Variants in PRKN observed in about 807,000 individuals in gnomAD.
The protein encoded by PRKN is E3 ubiquitin-protein ligase parkin.
Under a neutral mutation model 59.5 loss-of-function variants are expected in PRKN, and 56 were observed. The ratio of observed to expected loss-of-function variants is 0.94; its 90% CI spans 0.76 to 1.18. The LOEUF (loss-of-function observed/expected upper bound fraction) is 1.18. Among genes scored for constraint, PRKN ranks in the 50% most tolerant of loss-of-function variants. PRKN has a pLI of 0.00. For synonymous variants in PRKN, 250 were observed against 222.1 expected (o/e 1.13, Z -1.12); for missense variants, 657 against 596.4 (o/e 1.10, Z -1.06).
At chr6:161,943,551 G>A (rs1262294181) in intron 6 of PRKN, among the ~76,000 whole-genome samples, 2 of 152,248 alleles carry the variant, frequency 1.3e-5, no homozygotes, top group Non-Finnish European at 2.9e-5. Context: ...GTAAGTGAAT[G>A]TGGAAATCCT....
intron 2 of PRKN, among the ~76,000 whole-genome samples, chr6:162,417,637 A>G (rs1423721974): frequency 1.3e-5 from 2 of 152,222 alleles, no homozygotes. Context: ...TTTGAAATTA[A>G]AGCGCTCTCA....
chr6:162,495,994 T>C (rs1222085928), intron 1 of PRKN, among the ~76,000 whole-genome samples: 5 of 152,172 alleles, frequency 3.3e-5, no homozygotes, highest in East Asian at 3.9e-4. Context: ...TCACAGCACT[T>C]TGGAAGGCCA....
intron 3 of PRKN, among the ~76,000 whole-genome samples, chr6:162,218,223 C>T (rs962645922): frequency 6.6e-6 from 1 of 152,176 alleles, no homozygotes; most frequent in African/African-American, 2.4e-5. Flanking sequence ...TGCGGAAGCC[C>T]CTCTGGGGAA....
In PRKN at chr6:161,376,562, T is replaced by C. The variant is rs1284251050; in HGVS notation, c.1167+10232A>G. Among the ~76,000 whole-genome samples, 1 of 152,152 alleles carries C rather than the reference T, an allele frequency of 6.6e-6. No homozygotes were observed. The highest frequency in any genetic ancestry group is 1.9e-4 in the East Asian group (1 of 5,178). ...CCCTGGCCGGATTCCTGGTGCCTGGTGTGTCTCTGGTTTGGCCCTTTTAGG... is the reference window on the plus strand; with the variant it reads ...CCCTGGCCGGATTCCTGGTGCCTGGCGTGTCTCTGGTTTGGCCCTTTTAGG... On this transcript the variant is annotated intron_variant, in intron 10 of 11. Coordinates refer to ENST00000366898, the MANE Select transcript of PRKN (RefSeq NM_004562.3). The surrounding 1 kb of genome is among the most constrained non-coding windows in gnomAD (Gnocchi z 7.3).
chr6:162,672,739 C>G (rs1241451133), intron 1 of PRKN, among the ~76,000 whole-genome samples: 1 of 150,000 alleles, frequency 6.7e-6, no homozygotes, highest in Admixed American at 6.7e-5. Context: ...TATAGATATA[C>G]AGACACACAT....
intron 5 of PRKN, among the ~76,000 whole-genome samples, chr6:162,017,556 A>G (rs547318026): frequency 6.6e-6 from 1 of 152,012 alleles, no homozygotes; most frequent in Non-Finnish European, 1.5e-5. Context: ...CATTGTAACT[A>G]TAACTAAATA....
intron 7 of PRKN, among the ~76,000 whole-genome samples, chr6:161,642,863 A>C (rs1181502626): frequency 6.6e-6 from 1 of 152,224 alleles, no homozygotes; most frequent in Non-Finnish European, 1.5e-5. Flanking sequence ...ACATTTAAAC[A>C]TACACTTATA....
rs1787996904 is a variant in PRKN at position 161,419,569 on chromosome 6, T to TA, written c.1084-32693dup. Among the ~76,000 whole-genome samples the TA allele has an allele frequency of 6.6e-6, 1 of 151,590 alleles. No homozygotes were observed. The highest frequency in any genetic ancestry group is 1.5e-5 in the Non-Finnish European group (1 of 67,912). On this transcript the variant is annotated intron_variant, in intron 9 of 11. Coordinates refer to ENST00000366898, the MANE Select transcript of PRKN (RefSeq NM_004562.3). This position sits in a 1 kb window ranked among gnomAD's most constrained non-coding sequence, Gnocchi z 4.1. Reference sequence around the variant, plus strand: ...CGCCTGGCTAATTTTTGTATTTTTTTAAAAAACGGGGTTTCACCATGTTGA... The same window carrying TA: ...CGCCTGGCTAATTTTTGTATTTTTTTAAAAAAACGGGGTTTCACCATGTTGA...
intron 5 of PRKN, among the ~76,000 whole-genome samples, chr6:162,010,501 A>AATGTATTTATAAT (rs1782481129): frequency 2.3e-5 from 1 of 44,304 alleles, no homozygotes; most frequent in Non-Finnish European, 3.5e-5. Flanking sequence ...TATATTATAT[A>AATGTATTTATAAT]ATATATTATA....
intron 6 of PRKN, among the ~76,000 whole-genome samples, chr6:161,939,976 GC>G (rs1272343954): frequency 6.6e-6 from 1 of 151,566 alleles, no homozygotes; most frequent in Non-Finnish European, 1.5e-5. Context: ...TCGGCTCACC[GC>G]AACCTCTGTC....
intron 1 of PRKN, among the ~76,000 whole-genome samples, chr6:162,620,743 G>C (rs769184732): frequency 3.2e-5 from 4 of 124,730 alleles, no homozygotes; most frequent in Non-Finnish European, 6.9e-5. Flanking sequence ...TAATAAAGAT[G>C]GGGTCTTTCT....
chr6:162,384,835 A>G (rs1786712258), intron 2 of PRKN, among the ~76,000 whole-genome samples: 1 of 152,086 alleles, frequency 6.6e-6, no homozygotes, highest in East Asian at 1.9e-4. Context: ...CAATGCAGAG[A>G]GGAGAAATGA....
chr6:161,419,163 C>T lies in PRKN; in HGVS notation c.1084-32286G>A, dbSNP rs992343455. ...CAATGAAAATGGTGAGAATCCTTTA[C>T]GAGCTAACGTGCTACACAGAGTTTG... On this transcript the variant is annotated intron_variant, in intron 9 of 11. Coordinates refer to ENST00000366898, the MANE Select transcript of PRKN (RefSeq NM_004562.3). The surrounding 1 kb of genome is among the most constrained non-coding windows in gnomAD (Gnocchi z 4.1). Among the ~76,000 whole-genome samples, 2 of 152,182 alleles carry T rather than the reference C, an allele frequency of 1.3e-5. No homozygotes were observed. Among genetic ancestry groups the T allele is most frequent in the African/African-American group, 4.8e-5 (2 of 41,440 alleles).
chr6:162,190,115 CAG>C (rs949413848), intron 4 of PRKN, among the ~76,000 whole-genome samples: 6 of 152,124 alleles, frequency 3.9e-5, no homozygotes, highest in Admixed American at 2.6e-4. Context: ...TAATCATACT[CAG>C]AGATTCAAGT....
intron 7 of PRKN, among the ~76,000 whole-genome samples, chr6:161,779,280 C>T (rs551506998): frequency 6.6e-6 from 1 of 151,948 alleles, no homozygotes; most frequent in South Asian, 2.1e-4. Context: ...TTGATATAAC[C>T]TTTAGCTCCA....
At chr6:161,585,029 A>G (rs1781473341) in intron 7 of PRKN, among the ~76,000 whole-genome samples, 1 of 152,226 alleles carries the variant, frequency 6.6e-6, no homozygotes. Context: ...CAAACAGAAC[A>G]CTTCAGAATC....
chr6:161,870,102 T>C (rs976113040), intron 6 of PRKN, among the ~76,000 whole-genome samples: 2 of 152,202 alleles, frequency 1.3e-5, no homozygotes, highest in African/African-American at 4.8e-5. Context: ...ATTCAAGTAC[T>C]AACCAGGGCC....
In PRKN at chr6:162,443,389, G is replaced by C; in HGVS notation, c.92C>G (p.Ala31Gly). 2 of 1,613,988 alleles carry C rather than the reference G, an allele frequency of 1.2e-6. No individual in the cohort carries two copies. Among genetic ancestry groups the C allele is most frequent in the Non-Finnish European group, 1.7e-6 (2 of 1,180,004 alleles). ...GTCAGCCGGAACCCCCTGTCGCTTA[G>C]CAACCACCTCCTTGAGCTGGAAGAT... ...TSIFQLKEVV[A>G]KRQGVPADQL... Residue 31 changes from alanine (A) to glycine (G), a missense_variant, in exon 2 of 12, where the codon GCT becomes GGT. Physicochemically the swap from Ala to Gly is moderately conservative, Grantham distance 60. Coordinates refer to ENST00000366898, the MANE Select transcript of PRKN (RefSeq NM_004562.3).
intron 3 of PRKN, among the ~76,000 whole-genome samples, chr6:162,237,516 G>A (rs964818879): frequency 6.6e-6 from 1 of 152,138 alleles, no homozygotes; most frequent in African/African-American, 2.4e-5. Flanking sequence ...TTAGGAATGA[G>A]AAGTGCTCTA....
Sources: gnomAD v4.1 joint callset for allele counts (sites outside exome capture counted in the v4.1 genomes callset) on GRCh38, gnomAD v4.1.1 for gene constraint, Gnocchi (gnomAD v3.1) non-coding constraint, MANE v1.5 for transcripts, NCBI Gene and HGNC (gene_info 2026-07-23, HGNC 2026-07-21) for gene names.